The following SLC8A1 variants were observed in gnomAD, a reference collection of about 807,000 sequenced individuals.
SLC8A1 encodes the protein sodium/calcium exchanger 1.
Under a neutral mutation model 68.3 loss-of-function variants are expected in SLC8A1, and 18 were observed. The ratio of observed to expected loss-of-function variants is 0.26; its 90% confidence interval spans 0.18 to 0.39. SLC8A1 has a LOEUF of 0.39. Among genes scored for constraint, SLC8A1 ranks in the 10% least tolerant of loss-of-function variants. The pLI is 1.00. For synonymous variants in SLC8A1, 475 were observed against 415.5 expected, an observed-to-expected ratio of 1.14 and a Z score of -1.74; for missense variants, 985 against 1,156.7, an observed-to-expected ratio of 0.85 and a Z score of 2.15.
At chr2:40,318,728 G>A (rs2074810170) in intron 2 of SLC8A1, among the ~76,000 whole-genome samples, 1 of 152,062 alleles carries the variant, frequency 6.6e-6, no homozygotes, top group South Asian at 2.1e-4. Context: ...TGCAATTGAT[G>A]AGGAAAGTAT....
rs2054467589 is a variant in SLC8A1 at position 40,202,023 on chromosome 2, T to C, written c.1809-24168A>G. On this transcript the variant is annotated intron_variant, in intron 2 of 7. Transcript: ENST00000406785. ...GCATGCATGCTGGTGTGTGTACACA[T>C]GCTGGTGTGTGTACACGTGGAGGTG... is the stretch of plus-strand genomic sequence containing the variant. 2.0e-5 allele frequency among the ~76,000 whole-genome samples: 3 copies of C among 152,024 alleles called. No homozygotes were observed. The South Asian group carries it at 6.2e-4, about 31-fold the overall frequency.
intron 2 of SLC8A1, among the ~76,000 whole-genome samples, chr2:40,315,707 A>C (rs2074352871): frequency 6.6e-6 from 1 of 152,030 alleles, no homozygotes; most frequent in African/African-American, 2.4e-5. Context: ...TATTTATCTG[A>C]AGTCTTTTCA....
intron 1 of SLC8A1, among the ~76,000 whole-genome samples, chr2:40,448,495 G>T (rs1701853785): frequency 2.0e-5 from 3 of 152,096 alleles, no homozygotes. Context: ...ATATCTCTAG[G>T]GAACAGAAAT....
chr2:40,226,140 T>A (rs1454673750), intron 2 of SLC8A1, among the ~76,000 whole-genome samples: 1 of 152,100 alleles, frequency 6.6e-6, no homozygotes, highest in Non-Finnish European at 1.5e-5. Context: ...AGTCGGGCCT[T>A]GCTGTGACAG....
intron 2 of SLC8A1, among the ~76,000 whole-genome samples, chr2:40,394,914 G>A (rs947804153): frequency 2.6e-5 from 4 of 152,094 alleles, no homozygotes; most frequent in African/African-American, 4.8e-5. Flanking sequence ...CAATCCCAGA[G>A]AGGAAATGAG....
intron 2 of SLC8A1, among the ~76,000 whole-genome samples, chr2:40,222,572 C>G (rs1404259281): frequency 6.6e-6 from 1 of 152,116 alleles, no homozygotes; most frequent in Non-Finnish European, 1.5e-5. Context: ...AAGAAACTAT[C>G]AGAGTGAACA....
chr2:40,243,040 G>A (rs1283943298), intron 2 of SLC8A1, among the ~76,000 whole-genome samples: 4 of 152,132 alleles, frequency 2.6e-5, no homozygotes, highest in Admixed American at 6.5e-5. Context: ...ACGTGGATAC[G>A]AGTGTCTACT....
intron 2 of SLC8A1, among the ~76,000 whole-genome samples, chr2:40,309,771 TG>T (rs1235564423): frequency 6.6e-6 from 1 of 152,204 alleles, no homozygotes. Flanking sequence ...CCCAAAGTGC[TG>T]GGATTACAGG....
rs888647787 is a variant in SLC8A1 at position 40,205,187 on chromosome 2, C to G, written c.1809-27332G>C. ...TATAATTATTAATAGCTCAATTTAG[C>G]CTTTCCATAAGGTATACCTATTTGA... On this transcript the variant is annotated intron_variant, in intron 2 of 7. Coordinates refer to ENST00000406785, the Ensembl canonical transcript of SLC8A1. Among the ~76,000 whole-genome samples, 11 of 152,078 alleles carry G rather than the reference C, an allele frequency of 7.2e-5. No individual in the cohort carries two copies. In the South Asian group the frequency reaches 2.3e-3, roughly 32 times the overall value.
At chr2:40,493,689 C>T (rs1705486672) in intron 1 of SLC8A1, among the ~76,000 whole-genome samples, 1 of 141,708 alleles carries the variant, frequency 7.1e-6, no homozygotes, top group South Asian at 2.2e-4. Flanking sequence ...GAGTCTTGCT[C>T]TGTTTCCCAG....
intron 6 of SLC8A1, among the ~76,000 whole-genome samples, chr2:40,144,893 C>A (rs2042172715): frequency 6.6e-6 from 1 of 151,962 alleles, no homozygotes; most frequent in African/African-American, 2.4e-5. Context: ...AAATTAACAT[C>A]TATCATCTCA....
upstream of SLC8A1, among the ~76,000 whole-genome samples, chr2:40,454,550 T>C (rs1454124328): frequency 2.7e-5 from 4 of 150,238 alleles, no homozygotes; most frequent in African/African-American, 9.8e-5. Flanking sequence ...TGATTCTTCC[T>C]CTTTTCCAAT....
In SLC8A1 at chr2:40,418,525, C is replaced by T. The variant is rs542831338; in HGVS notation, c.1808+9948G>A. Among the ~76,000 whole-genome samples, 3 of 152,328 alleles carry T rather than the reference C, an allele frequency of 2.0e-5. No individual in the cohort carries two copies. In the South Asian group the frequency reaches 6.2e-4, roughly 32 times the overall value. On this transcript the variant is annotated intron_variant, in intron 2 of 7. Coordinates refer to ENST00000406785, the Ensembl canonical transcript of SLC8A1. ...ACCTGAGCCTAAGACCTCAAAAGCA[C>T]TGAGCCTCAGCTCATCAGATTCCTG...
intron 2 of SLC8A1, among the ~76,000 whole-genome samples, chr2:40,346,930 C>G (rs998494343): frequency 1.3e-5 from 2 of 152,146 alleles, no homozygotes; most frequent in African/African-American, 2.4e-5. Flanking sequence ...AGCCCACACA[C>G]AAGCAGGTTA....
chr2:40,097,731 T>C (rs1253793309), exon 8 of SLC8A1: 1 of 152,020 alleles, frequency 6.6e-6, no homozygotes, highest in Non-Finnish European at 1.5e-5. Context: ...AATAAAACTC[T>C]GAAATCATTC....
At chr2:40,131,281 C>G (rs960132205) in intron 7 of SLC8A1, among the ~76,000 whole-genome samples, 3 of 152,186 alleles carry the variant, frequency 2.0e-5, no homozygotes, top group Non-Finnish European at 4.4e-5. Flanking sequence ...TTTATAACCC[C>G]TCAGCACGTA....
At chr2:40,406,333 C>A (rs1419353045) in intron 2 of SLC8A1, among the ~76,000 whole-genome samples, 1 of 152,054 alleles carries the variant, frequency 6.6e-6, no homozygotes, top group Non-Finnish European at 1.5e-5. Context: ...TTCATGAATG[C>A]AGAGTTATTT....
intron 2 of SLC8A1, among the ~76,000 whole-genome samples, chr2:40,188,462 T>A (rs1427490854): frequency 6.6e-6 from 1 of 152,258 alleles, no homozygotes; most frequent in African/African-American, 2.4e-5. Flanking sequence ...TTGATGCTGC[T>A]GGATTTCAGA....
intron 4 of SLC8A1, among the ~76,000 whole-genome samples, chr2:40,169,992 C>A (rs537363302): frequency 6.6e-6 from 1 of 152,156 alleles, no homozygotes; most frequent in African/African-American, 2.4e-5. Flanking sequence ...AACTGATGTG[C>A]GAGAAGAAAT....
Sources: allele counts gnomAD v4.1 joint callset (sites outside exome capture counted in the v4.1 genomes callset), GRCh38; gene constraint gnomAD v4.1.1; transcripts MANE v1.5; gene names NCBI Gene and HGNC (gene_info 2026-07-23, HGNC 2026-07-21).